EPHX2: variants seen among roughly 807,000 people sequenced by gnomAD.
EPHX2 encodes epoxide hydrolase 2, also known as bifunctional epoxide hydrolase 2.
In EPHX2, 74 loss-of-function variants were observed where a neutral mutation model predicts 78.7. The observed-to-expected ratio is 0.94, with a 90% CI of 0.78 to 1.14. EPHX2 has a LOEUF of 1.14. Ranked by LOEUF, EPHX2 falls within the 50% of genes most tolerant of loss-of-function variation. EPHX2 has a pLI of 0.00. For synonymous variants in EPHX2, 251 were observed against 255.2 expected (o/e 0.98, Z 0.16); for missense variants, 715 against 702.5 (o/e 1.02, Z -0.20).
intron 10 of EPHX2, 108 bp from the exon 11 acceptor site, chr8:27,522,315 G>A: frequency 3.1e-6 from 3 of 967,572 alleles, no homozygotes; most frequent in East Asian, 5.3e-5. Flanking sequence ...GCTGCTGTGG[G>A]TCGGGGGAGG....
chr8:27,495,700 G>A (rs944131111), intron 1 of EPHX2, among the ~76,000 whole-genome samples: 1 of 152,192 alleles, frequency 6.6e-6, no homozygotes, highest in Non-Finnish European at 1.5e-5. Context: ...GGCCACTGCT[G>A]CAACTACCCA....
At position 27,541,465 on chromosome 8, in the gene EPHX2, C is replaced by T. The variant is rs1429512611; in HGVS notation, c.1380-8C>T. The T allele has an allele frequency of 2.5e-6, 4 of 1,614,076 alleles. No homozygotes were observed. In the East Asian group the frequency reaches 8.9e-5, roughly 36 times the overall value. ...CCTCCCTCTTTTTACTTTCTGATCT[C>T]TCCCCAGAGGTCCTCTAAACTGGTA... On this transcript the variant is annotated splice_polypyrimidine_tract_variant and splice_region_variant and intron_variant, in intron 15 of 18. Coordinates refer to ENST00000521400, the MANE Select transcript of EPHX2 (RefSeq NM_001979.6).
At chr8:27,543,493 C>A (rs571244348) in intron 16 of EPHX2, among the ~76,000 whole-genome samples, 3 of 152,148 alleles carry the variant, frequency 2.0e-5, no homozygotes, top group Non-Finnish European at 4.4e-5. Flanking sequence ...GCCATCAATT[C>A]GGTTCTCCCA....
intron 12 of EPHX2, among the ~76,000 whole-genome samples, chr8:27,534,702 G>A (rs1325577663): frequency 6.6e-6 from 1 of 152,156 alleles, no homozygotes; most frequent in Non-Finnish European, 1.5e-5. Context: ...AGGACTGCAG[G>A]TCGCTGGAAC....
At chr8:27,496,888 TC>T (rs1336429434) in intron 1 of EPHX2, among the ~76,000 whole-genome samples, 1 of 152,146 alleles carries the variant, frequency 6.6e-6, no homozygotes, top group South Asian at 2.1e-4. Flanking sequence ...GGTAACTTGT[TC>T]CCCATATTTA....
intron 2 of EPHX2, among the ~76,000 whole-genome samples, chr8:27,502,791 A>G (rs1813848619): frequency 6.6e-6 from 1 of 152,190 alleles, no homozygotes; most frequent in African/African-American, 2.4e-5. Context: ...ATTCGTCATA[A>G]TGACTTCATT....
Position 27,543,754 on chromosome 8 carries a change from G to A in EPHX2, c.1455G>A (p.Leu485=). ...WACKSLGRKI[L]IPALMVTAEK... ...GTTTCCTGTTCTCCCCCCAGATCCT[G>A]ATTCCGGCCCTGATGGTCACGGCGG... is the stretch of plus-strand genomic sequence containing the variant. Residue 485 remains leucine (L), a synonymous_variant, in exon 17 of 19, where the codon CTG becomes CTA. Coordinates refer to ENST00000521400, the MANE Select transcript of EPHX2 (RefSeq NM_001979.6). The A allele has an allele frequency of 6.2e-7, 1 of 1,613,976 alleles. No homozygotes were observed. Among genetic ancestry groups the A allele is most frequent in the Non-Finnish European group, 8.5e-7 (1 of 1,179,994 alleles).
At chr8:27,504,889 G>A in intron 3 of EPHX2, 67 bp from the exon 4 acceptor site, 9 of 1,549,058 alleles carry the variant, frequency 5.8e-6, no homozygotes, top group African/African-American at 1.4e-5. Context: ...GAGTCCCTTG[G>A]GGGTATCTGG....
rs1347328376 is a variant in EPHX2 at position 27,538,018 on chromosome 8, A to C, written c.1243-641A>C. Among the ~76,000 whole-genome samples the C allele has an allele frequency of 3.9e-5, 6 of 152,150 alleles. No homozygotes were observed. In the East Asian group the frequency reaches 1.2e-3, roughly 29 times the overall value. ...CTGGTGGCATTACCAACCCAGGCTC[A>C]CTTTGTTGTTATTGTTGTTGTTGTT... On this transcript the variant is annotated intron_variant, in intron 13 of 18. Coordinates refer to ENST00000521400, the MANE Select transcript of EPHX2 (RefSeq NM_001979.6).
At position 27,544,263 on chromosome 8, in the gene EPHX2, C is replaced by G; in HGVS notation, c.1589+19C>G. 6.2e-7 allele frequency: 1 copy of G among 1,614,054 alleles called. No homozygotes were observed. Among genetic ancestry groups the G allele is most frequent in the Non-Finnish European group, 8.5e-7 (1 of 1,179,940 alleles). On this transcript the variant is annotated intron_variant, in intron 18 of 18. Coordinates refer to ENST00000521400, the MANE Select transcript of EPHX2 (RefSeq NM_001979.6). ...TGGACAAGTAAGGAGGTTGGGGGCT[C>G]CTGGGGTCGGGGAGAGCAGGGCCCC...
chr8:27,548,473 G>A (rs62504307), downstream of EPHX2, among the ~76,000 whole-genome samples: 5,294 of 152,198 alleles, frequency 0.035, 93 homozygotes, highest in Middle Eastern at 0.078. Flanking sequence ...ACCCAAATGT[G>A]TAACTGTCTG....
At chr8:27,498,051 A>G (rs567312817) in intron 1 of EPHX2, among the ~76,000 whole-genome samples, 2 of 152,366 alleles carry the variant, frequency 1.3e-5, no homozygotes, top group East Asian at 3.9e-4. Context: ...TTGATCTAAC[A>G]ATAGCATGAC....
In EPHX2 at chr8:27,524,987, G is replaced by A. The variant is rs558041226; in HGVS notation, c.1059-375G>A. ...GACACAATGAGTGAATAAAGGGAGG[G>A]AAAAAAAATGAATGTATATTTTAAA... On this transcript the variant is annotated intron_variant, in intron 11 of 18. Transcript: ENST00000521400. Among the ~76,000 whole-genome samples, 59 of 151,144 alleles carry A rather than the reference G, an allele frequency of 3.9e-4. No homozygotes were observed. The South Asian group carries it at 5.0e-3, about 13-fold the overall frequency.
intron 16 of EPHX2, among the ~76,000 whole-genome samples, chr8:27,542,351 G>A (rs1207824386): frequency 6.6e-6 from 1 of 152,168 alleles, no homozygotes; most frequent in African/African-American, 2.4e-5. Context: ...CCTGGGAAAG[G>A]TACTTAACCC....
chr8:27,543,184 A>G (rs892870011), intron 16 of EPHX2, among the ~76,000 whole-genome samples: 8 of 151,848 alleles, frequency 5.3e-5, no homozygotes, highest in African/African-American at 1.9e-4. Context: ...GGTGTAAATG[A>G]AAATAGTGCA....
Position 27,543,915 on chromosome 8 carries a change from C to T in EPHX2, c.1530+86C>T. The T allele has an allele frequency of 3.6e-6, 5 of 1,391,358 alleles. No individual in the cohort carries two copies. In the East Asian group the frequency reaches 1.2e-4, roughly 32 times the overall value. 86.2% of individuals were successfully genotyped at this position (1,391,358 alleles called of 1,614,324 possible). A position where few individuals can be genotyped will look rare whatever the true frequency, so the allele number is the denominator to read the frequency against. On this transcript the variant is annotated intron_variant, in intron 17 of 18. Transcript: ENST00000521400. ...AGAGGGAAGACGGCAGCAGAAGATA[C>T]ACCTTGTCATGTGGATAGGACCATG...
At chr8:27,538,891 G>A (rs1421055725) in intron 14 of EPHX2, 199 bp downstream of exon 14, 1 of 598,172 alleles carries the variant, frequency 1.7e-6, no homozygotes, top group East Asian at 2.8e-5. Flanking sequence ...CTACCCTCTA[G>A]GGAGCTGTGG....
At chr8:27,542,687 G>A (rs981561937) in intron 16 of EPHX2, among the ~76,000 whole-genome samples, 1 of 152,082 alleles carries the variant, frequency 6.6e-6, no homozygotes, top group Non-Finnish European at 1.5e-5. Context: ...AGTTGCCCAG[G>A]CTAGAATGCA....
intron 1 of EPHX2, among the ~76,000 whole-genome samples, chr8:27,493,930 A>G (rs779357009): frequency 1.5e-4 from 23 of 152,168 alleles, no homozygotes; most frequent in Non-Finnish European, 2.5e-4. Context: ...TTTTGTATCT[A>G]CTAGGAACCA....
Sources: gnomAD v4.1 joint callset for allele counts (sites outside exome capture counted in the v4.1 genomes callset) on GRCh38, gnomAD v4.1.1 for gene constraint, MANE v1.5 for transcripts, NCBI Gene and HGNC (gene_info 2026-07-23, HGNC 2026-07-21) for gene names.